Variants in GRIK2 observed in about 807,000 individuals in gnomAD.
GRIK2 encodes the protein glutamate ionotropic receptor kainate type subunit 2.
Under a neutral mutation model 100.3 loss-of-function variants are expected in GRIK2, and 32 were observed. The ratio of observed to expected loss-of-function variants is 0.32; its 90% CI spans 0.24 to 0.43. GRIK2 has a LOEUF of 0.43. GRIK2 is among the 20% of genes least tolerant of loss of function. The probability of loss-of-function intolerance (pLI) is 1.00; values close to 1 mark genes in which losing one functional copy is unlikely to be tolerated. For synonymous variants in GRIK2, 417 were observed against 389.4 expected (o/e 1.07, Z -0.83); for missense variants, 843 against 1,114.9 (o/e 0.76, Z 3.47).
At chr6:101,591,237 T>C (rs908260146) in intron 2 of GRIK2, among the ~76,000 whole-genome samples, 11 of 151,954 alleles carry the variant, frequency 7.2e-5, no homozygotes, top group Non-Finnish European at 7.4e-5. Context: ...TAATGGTCAT[T>C]TCTACCTTTG....
At chr6:101,435,868 C>T (rs1295506784) in intron 2 of GRIK2, among the ~76,000 whole-genome samples, 1 of 152,118 alleles carries the variant, frequency 6.6e-6, no homozygotes, top group Non-Finnish European at 1.5e-5. Context: ...AATATCAAAG[C>T]TTCCTGGATC....
chr6:101,769,361 A>G (rs1175486731), intron 7 of GRIK2, among the ~76,000 whole-genome samples: 2 of 152,326 alleles, frequency 1.3e-5, no homozygotes, highest in East Asian at 1.9e-4. Flanking sequence ...AAAAGACACT[A>G]AAGGATATAC....
chr6:101,977,007 T>A (rs1325660619), intron 14 of GRIK2, among the ~76,000 whole-genome samples: 2 of 151,868 alleles, frequency 1.3e-5, no homozygotes, highest in Non-Finnish European at 2.9e-5. Context: ...TGTCATGGTA[T>A]CAAATAAAAA....
intron 2 of GRIK2, among the ~76,000 whole-genome samples, chr6:101,470,814 A>G (rs1771909759): frequency 1.3e-5 from 2 of 152,158 alleles, no homozygotes; most frequent in South Asian, 4.1e-4. Flanking sequence ...AATGTAGAGA[A>G]AACAATCCAT....
intron 15 of GRIK2, among the ~76,000 whole-genome samples, chr6:102,046,968 G>A (rs1296364872): frequency 6.6e-6 from 1 of 152,018 alleles, no homozygotes; most frequent in Non-Finnish European, 1.5e-5. Flanking sequence ...CAACTAGTAG[G>A]TCAAATAAAA....
intron 2 of GRIK2, among the ~76,000 whole-genome samples, chr6:101,418,452 A>G (rs1480218039): frequency 6.6e-6 from 1 of 152,110 alleles, no homozygotes; most frequent in East Asian, 1.9e-4. Context: ...GTAAAACCTT[A>G]GATTTGGGTT....
At position 101,650,632 on chromosome 6, in the gene GRIK2, C is replaced by G. The variant is rs1384463614; in HGVS notation, c.541+23995C>G. Among the ~76,000 whole-genome samples, 7 of 152,210 alleles carry G rather than the reference C, an allele frequency of 4.6e-5. No individual in the cohort carries two copies. The South Asian group carries it at 1.5e-3, about 32-fold the overall frequency. On this transcript the variant is annotated intron_variant, in intron 4 of 16. Coordinates refer to ENST00000369134, the MANE Select transcript of GRIK2 (RefSeq NM_021956.5). The stretch of plus-strand genomic sequence containing the variant: ...CAGCCTGAACCTCCCATTATCTGCC[C>G]TCCCTCTTTGCTCCATTAGAAATAA...
rs563842367 is a variant in GRIK2, at chr6:101,473,790, G to C, written c.115+74398G>C. ...TGTCATAAAGTAAAACACATTCATA[G>C]CTTTGAGGAGTAGATGTGGTGATCG... is the stretch of plus-strand genomic sequence containing the variant. On this transcript the variant is annotated intron_variant, in intron 2 of 16. Coordinates refer to ENST00000369134, the MANE Select transcript of GRIK2 (RefSeq NM_021956.5). Among the ~76,000 whole-genome samples the C allele has an allele frequency of 3.3e-5, 5 of 151,850 alleles. No homozygotes were observed. In the South Asian group the frequency reaches 8.3e-4, roughly 25 times the overall value.
At chr6:101,877,038 T>C (rs1229485704) in intron 11 of GRIK2, among the ~76,000 whole-genome samples, 1 of 151,974 alleles carries the variant, frequency 6.6e-6, no homozygotes, top group Non-Finnish European at 1.5e-5. Context: ...GATATGCTTT[T>C]GTATTCCCTC....
intron 7 of GRIK2, among the ~76,000 whole-genome samples, chr6:101,736,059 T>C (rs935617858): frequency 1.3e-5 from 2 of 149,360 alleles, no homozygotes; most frequent in East Asian, 2.1e-4. Flanking sequence ...CAGTCAAAGC[T>C]CCAAAATGAT....
At chr6:101,988,148 CGCGCGCGT>C (rs1234937550) in intron 14 of GRIK2, among the ~76,000 whole-genome samples, 211 of 8,524 alleles carry the variant, frequency 0.025, no homozygotes, top group African/African-American at 0.062. Context: ...CGCGCGCGCG[CGCGCGCGT>C]GCGCGCACAT....
chr6:101,508,342 G>A (rs1413116631), intron 2 of GRIK2, among the ~76,000 whole-genome samples: 1 of 152,102 alleles, frequency 6.6e-6, no homozygotes, highest in African/African-American at 2.4e-5. Flanking sequence ...GTGAAAACAA[G>A]AGGATAAATG....
At chr6:101,864,070 G>C (rs1035785790) in intron 11 of GRIK2, among the ~76,000 whole-genome samples, 1 of 150,434 alleles carries the variant, frequency 6.6e-6, no homozygotes, top group Non-Finnish European at 1.5e-5. Flanking sequence ...CCGGGAAGCG[G>C]AGCTTGCAGT....
intron 2 of GRIK2, among the ~76,000 whole-genome samples, chr6:101,407,431 A>T (rs968286331): frequency 1.3e-5 from 2 of 152,088 alleles, no homozygotes; most frequent in African/African-American, 4.8e-5. Flanking sequence ...GGCTGCCAAA[A>T]TTCAAAAAAC....
intron 1 of GRIK2, among the ~76,000 whole-genome samples, chr6:101,396,135 A>G (rs1188306236): frequency 6.6e-6 from 1 of 152,096 alleles, no homozygotes; most frequent in Non-Finnish European, 1.5e-5. Context: ...GATGTGTGGT[A>G]TCAGTATTGG....
intron 1 of GRIK2, among the ~76,000 whole-genome samples, chr6:101,398,522 G>A (rs575226724): frequency 6.6e-6 from 1 of 152,330 alleles, no homozygotes; most frequent in South Asian, 2.1e-4. Context: ...TAGATTTGCA[G>A]TAAATTCCTC....
chr6:101,451,500 A>G (rs1770678237), intron 2 of GRIK2, among the ~76,000 whole-genome samples: 1 of 151,676 alleles, frequency 6.6e-6, no homozygotes, highest in Non-Finnish European at 1.5e-5. Context: ...ATTATGTGGA[A>G]TTTATTTTGA....
intron 2 of GRIK2, among the ~76,000 whole-genome samples, chr6:101,548,358 C>T (rs1212252323): frequency 2.0e-5 from 3 of 152,132 alleles, no homozygotes; most frequent in Non-Finnish European, 4.4e-5. Context: ...GCTTTTGTTG[C>T]CATTGCTTTT....
At chr6:101,598,605 A>AG (rs1215111030) in intron 2 of GRIK2, among the ~76,000 whole-genome samples, 25 of 143,298 alleles carry the variant, frequency 1.7e-4, no homozygotes, top group East Asian at 1.7e-3. Flanking sequence ...AAAAAAAAAA[A>AG]AAAAAAGAAA....
Sources: gnomAD v4.1 joint callset for allele counts (sites outside exome capture counted in the v4.1 genomes callset) on GRCh38, gnomAD v4.1.1 for gene constraint, MANE v1.5 for transcripts, NCBI Gene and HGNC (gene_info 2026-07-23, HGNC 2026-07-21) for gene names.